The following SYK variants were observed in gnomAD, a reference collection of about 807,000 sequenced individuals.
SYK encodes tyrosine-protein kinase SYK.
SYK carries 16 observed loss-of-function variants against 77.8 expected under a neutral mutation model. That is an observed-to-expected ratio of 0.21 (90% CI 0.14 to 0.31). SYK has a LOEUF of 0.31. Ranked by LOEUF, SYK falls within the 10% of genes least tolerant of loss-of-function variation. The probability of loss-of-function intolerance (pLI) is 1.00; values close to 1 mark genes in which losing one functional copy is unlikely to be tolerated. For missense variants in SYK, 529 were observed against 814.4 expected, an observed-to-expected ratio of 0.65 and a Z score of 4.26; for synonymous variants, 312 against 308.7, an observed-to-expected ratio of 1.01 and a Z score of -0.11.
chr9:90,875,953 T>C (rs1003077201), intron 9 of SYK, among the ~76,000 whole-genome samples: 3 of 152,070 alleles, frequency 2.0e-5, no homozygotes, highest in African/African-American at 7.2e-5. Context: ...ATTTTTATGA[T>C]TCAAGGGTTA....
At chr9:90,857,371 T>C (rs549214071) in intron 3 of SYK, among the ~76,000 whole-genome samples, 4 of 152,360 alleles carry the variant, frequency 2.6e-5, no homozygotes, top group Admixed American at 1.3e-4. Flanking sequence ...TATCACTTCA[T>C]TGATGCTGAT....
chr9:90,801,623 G>C (rs1826731967), upstream of SYK, among the ~76,000 whole-genome samples: 1 of 152,184 alleles, frequency 6.6e-6, no homozygotes, highest in Non-Finnish European at 1.5e-5. Flanking sequence ...TACACCTGCC[G>C]CCGCCTGGGC....
intron 1 of SYK, among the ~76,000 whole-genome samples, chr9:90,837,270 G>A (rs928660885): frequency 6.6e-6 from 1 of 152,096 alleles, no homozygotes. Context: ...CCAGCCTCTG[G>A]TTAAACCCTG....
chr9:90,862,495 C>T lies in SYK; in HGVS notation c.717+151C>T. 3.1e-6 allele frequency: 3 copies of T among 966,116 alleles called. No homozygotes were observed. In the South Asian group the frequency reaches 6.0e-5, roughly 19 times the overall value. The allele number at this position is 966,116 out of a possible 1,614,324, so 59.8% of individuals were successfully genotyped here. Reference sequence around the variant, plus strand: ...CAGTAGCTCTGGAGCTCATGAGAAACACACACCTGGACCACACCTGGGCTC... The same window carrying T: ...CAGTAGCTCTGGAGCTCATGAGAAATACACACCTGGACCACACCTGGGCTC... On this transcript the variant is annotated intron_variant, in intron 4 of 13. Coordinates refer to ENST00000375754, the MANE Select transcript of SYK (RefSeq NM_003177.7).
chr9:90,891,450 G>A (rs1258994363), intron 13 of SYK, among the ~76,000 whole-genome samples: 1 of 152,196 alleles, frequency 6.6e-6, no homozygotes, highest in Non-Finnish European at 1.5e-5. Context: ...GAAAGTGGAA[G>A]AGGGAACCTC....
At chr9:90,841,469 T>C (rs1826331214) in intron 1 of SYK, among the ~76,000 whole-genome samples, 2 of 63,064 alleles carry the variant, frequency 3.2e-5, no homozygotes, top group South Asian at 1.1e-3. Flanking sequence ...TGTGTGTGTG[T>C]GGTGTGCGTT....
chr9:90,884,833 G>A lies in SYK; in HGVS notation c.1582-2916G>A, dbSNP rs71494435. ...TACATACACATATACACATATGTGT[G>A]TATATACATATACACACATATGTGT... On this transcript the variant is annotated intron_variant, in intron 11 of 13. Transcript: ENST00000375754. 1.2e-4 allele frequency among the ~76,000 whole-genome samples: 3 copies of A among 24,370 alleles called. 1 individual carries two copies. Among genetic ancestry groups the A allele is most frequent in the African/African-American group, 7.5e-4 (2 of 2,680 alleles). 16.0% of individuals were successfully genotyped at this position (24,370 alleles called of 152,430 possible).
chr9:90,841,859 T>TGTGTGTA (rs371323710), intron 1 of SYK, among the ~76,000 whole-genome samples: 47,104 of 149,276 alleles, frequency 0.32, 7,401 homozygotes, highest in South Asian at 0.38. Flanking sequence ...CAGTGTGTTA[T>TGTGTGTA]GTGTGTTGTG....
chr9:90,882,170 A>G (rs796795059), intron 11 of SYK, among the ~76,000 whole-genome samples: 2 of 152,374 alleles, frequency 1.3e-5, no homozygotes, highest in African/African-American at 4.8e-5. Context: ...TGCATTTAAG[A>G]TTTGTCAAAG....
intron 1 of SYK, among the ~76,000 whole-genome samples, chr9:90,843,136 A>G (rs1212181770): frequency 1.3e-5 from 2 of 152,022 alleles, no homozygotes; most frequent in Non-Finnish European, 2.9e-5. Context: ...TGGTCTGGAG[A>G]AGCGGGGAGA....
intron 3 of SYK, among the ~76,000 whole-genome samples, chr9:90,848,800 A>T (rs1826696883): frequency 6.6e-6 from 1 of 152,244 alleles, no homozygotes. Context: ...GGGAGAAAAG[A>T]CGCTGAACAA....
chr9:90,846,493 C>T (rs929217117), intron 3 of SYK, among the ~76,000 whole-genome samples: 1 of 152,284 alleles, frequency 6.6e-6, no homozygotes, highest in South Asian at 2.1e-4. Context: ...TCAGACTTCA[C>T]TGTCATACCT....
At chr9:90,855,442 T>A (rs1587868479) in intron 3 of SYK, among the ~76,000 whole-genome samples, 1 of 152,180 alleles carries the variant, frequency 6.6e-6, no homozygotes, top group East Asian at 1.9e-4. Context: ...GGCCTGCTCC[T>A]GGACGAGGGC....
At chr9:90,874,648 G>GTA in intron 8 of SYK, 24 bp from the exon 9 acceptor site, 1 of 1,598,396 alleles carries the variant, frequency 6.3e-7, no homozygotes, top group Non-Finnish European at 8.5e-7. Flanking sequence ...GCCCCAGGTC[G>GTA]TATGTTTCTT....
At chr9:90,841,475 G>A (rs1028690761) in intron 1 of SYK, among the ~76,000 whole-genome samples, 1 of 151,346 alleles carries the variant, frequency 6.6e-6, no homozygotes, top group South Asian at 2.1e-4. Flanking sequence ...TGTGTGGTGT[G>A]CGTTTAGTGC....
chr9:90,874,375 A>G, intron 8 of SYK, 84 bp downstream of exon 8: 1 of 1,378,564 alleles, frequency 7.3e-7, no homozygotes. Context: ...TCACGAATCC[A>G]CACCACGTCC....
At chr9:90,844,378 T>C in intron 2 of SYK, 63 bp downstream of exon 2, 3 of 1,460,770 alleles carry the variant, frequency 2.1e-6, no homozygotes, top group Non-Finnish European at 2.7e-6. Flanking sequence ...ACAGACTTCC[T>C]GGCTACATGC....
chr9:90,888,631 A>AG lies in SYK; in HGVS notation c.1835+5dup. On this transcript the variant is annotated splice_donor_region_variant and intron_variant, in intron 13 of 13. Coordinates refer to ENST00000375754, the MANE Select transcript of SYK (RefSeq NM_003177.7). ...TGAATCTGTGCTGGACATACGAGTG[A>AG]GTACCTGACACTGACTGTGATGTAT... 6.3e-7 allele frequency: 1 copy of AG among 1,581,794 alleles called. No homozygotes were observed. Among genetic ancestry groups the AG allele is most frequent in the Non-Finnish European group, 8.6e-7 (1 of 1,163,056 alleles).
chr9:90,810,251 G>A (rs1358288316), intron 1 of SYK, among the ~76,000 whole-genome samples: 2 of 152,168 alleles, frequency 1.3e-5, no homozygotes, highest in Admixed American at 6.5e-5. Context: ...TCCAAGGGTT[G>A]GGTGGGACAA....
Sources: allele counts gnomAD v4.1 joint callset (sites outside exome capture counted in the v4.1 genomes callset), GRCh38; gene constraint gnomAD v4.1.1; transcripts MANE v1.5; gene names NCBI Gene and HGNC (gene_info 2026-07-23, HGNC 2026-07-21).